Variants in DIPK1A observed in about 807,000 individuals in gnomAD.
The protein encoded by DIPK1A is family with sequence similarity 69 member A.
A neutral mutation model predicts 40.8 loss-of-function variants in DIPK1A; 27 were observed. That is an observed-to-expected ratio of 0.66 (90% CI 0.49 to 0.91). DIPK1A has a LOEUF of 0.91. Among genes scored for constraint, DIPK1A ranks in the 40% least tolerant of loss-of-function variants. DIPK1A has a pLI of 0.00. For missense variants in DIPK1A, 412 were observed against 505.7 expected, an observed-to-expected ratio of 0.81 and a Z score of 1.78; for synonymous variants, 166 against 171.3, an observed-to-expected ratio of 0.97 and a Z score of 0.24.
intron 2 of DIPK1A, among the ~76,000 whole-genome samples, chr1:92,851,980 T>C (rs1687840149): frequency 6.6e-6 from 1 of 152,238 alleles, no homozygotes; most frequent in Admixed American, 6.5e-5. Context: ...ATGTTCTCTT[T>C]GCTGGAGGCA....
At chr1:92,921,444 A>C (rs1477207832) in intron 1 of DIPK1A, among the ~76,000 whole-genome samples, 1 of 152,204 alleles carries the variant, frequency 6.6e-6, no homozygotes, top group Non-Finnish European at 1.5e-5. Context: ...AAAAATTGAC[A>C]TAAGTATAAG....
At position 92,961,363 on chromosome 1, in the gene DIPK1A, G is replaced by A; in HGVS notation, c.54+13C>T. ...TGCTCCCGCAGCTGGTGGCTGGGCGGCCGCCGGCCTACCTGGAGGTAATAG... is the reference window on the plus strand; with the variant it reads ...TGCTCCCGCAGCTGGTGGCTGGGCGACCGCCGGCCTACCTGGAGGTAATAG... On this transcript the variant is annotated intron_variant, in intron 1 of 4. Transcript: ENST00000370310. 1.3e-6 allele frequency: 2 copies of A among 1,503,940 alleles called. No individual in the cohort carries two copies. Among genetic ancestry groups the A allele is most frequent in the Non-Finnish European group, 8.9e-7 (1 of 1,121,842 alleles). The allele number at this position is 1,503,940 out of a possible 1,614,324, so 93.2% of individuals were successfully genotyped here. A position where few individuals can be genotyped will look rare whatever the true frequency, so the allele number is the denominator to read the frequency against.
At chr1:92,863,403 G>T (rs1356195413) in intron 2 of DIPK1A, among the ~76,000 whole-genome samples, 1 of 152,056 alleles carries the variant, frequency 6.6e-6, no homozygotes, top group Non-Finnish European at 1.5e-5. Context: ...AGAGAGTGTA[G>T]CATAAGACAT....
chr1:92,933,253 C>T (rs1301884566), intron 1 of DIPK1A: 2 of 151,986 alleles, frequency 1.3e-5, no homozygotes, highest in Non-Finnish European at 2.9e-5. Context: ...AAATAAAAAT[C>T]AACAGAACTA....
intron 1 of DIPK1A, among the ~76,000 whole-genome samples, chr1:92,946,706 G>A (rs2100901744): frequency 6.6e-6 from 1 of 152,292 alleles, no homozygotes; most frequent in Middle Eastern, 3.4e-3. Flanking sequence ...TACTTTGGGG[G>A]CTGAGGCAGG....
downstream of DIPK1A, among the ~76,000 whole-genome samples, chr1:92,838,170 A>G (rs529156773): frequency 6.6e-6 from 1 of 152,308 alleles, no homozygotes; most frequent in Non-Finnish European, 1.5e-5. Flanking sequence ...TGGCATAGCT[A>G]TTGGTTAGGA....
chr1:92,884,882 G>C (rs1027983067), intron 1 of DIPK1A, among the ~76,000 whole-genome samples: 1 of 152,176 alleles, frequency 6.6e-6, no homozygotes, highest in Non-Finnish European at 1.5e-5. Context: ...ACACAGCTTA[G>C]ACTCTTGGAG....
chr1:92,891,867 G>A (rs111427542), intron 1 of DIPK1A, among the ~76,000 whole-genome samples: 308 of 152,270 alleles, frequency 2.0e-3, no homozygotes, highest in African/African-American at 6.4e-3. Context: ...TATATCCTAC[G>A]CATGGCTTGG....
At chr1:92,930,324 T>C (rs1650695625) in intron 1 of DIPK1A, among the ~76,000 whole-genome samples, 1 of 152,172 alleles carries the variant, frequency 6.6e-6, no homozygotes, top group South Asian at 2.1e-4. Flanking sequence ...CCATTGGCCA[T>C]TTTGGCTTTA....
At chr1:92,928,794 T>C (rs889743756) in intron 1 of DIPK1A, among the ~76,000 whole-genome samples, 12 of 152,050 alleles carry the variant, frequency 7.9e-5, no homozygotes, top group African/African-American at 2.7e-4. Context: ...AAACCCCGAC[T>C]CTACTAAAAA....
In DIPK1A at chr1:92,890,046, G is replaced by T. The variant is rs149837774; in HGVS notation, c.55-13616C>A. Among the ~76,000 whole-genome samples the T allele has an allele frequency of 4.1e-3, 619 of 151,956 alleles. 3 individuals are homozygous for T. The highest frequency in any genetic ancestry group is 0.014 in the African/African-American group (589 of 41,460). On this transcript the variant is annotated intron_variant, in intron 1 of 4. Coordinates refer to ENST00000370310, the MANE Select transcript of DIPK1A (RefSeq NM_001006605.5). The stretch of plus-strand genomic sequence containing the variant: ...TTTCATCTCCTTAAATTTATTCCTA[G>T]GTTTTATGTATTTATTTATTTATTG...
At chr1:92,890,495 T>C (rs932541493) in intron 1 of DIPK1A, among the ~76,000 whole-genome samples, 11 of 152,338 alleles carry the variant, frequency 7.2e-5, no homozygotes, top group African/African-American at 2.6e-4. Flanking sequence ...TTTCCTTCTA[T>C]ATCCAATTTG....
chr1:92,889,905 C>T (rs1208649935), intron 1 of DIPK1A, among the ~76,000 whole-genome samples: 1 of 152,194 alleles, frequency 6.6e-6, no homozygotes, highest in Non-Finnish European at 1.5e-5. Context: ...CTGCCTTGGC[C>T]TCCCAAAGTG....
intron 1 of DIPK1A, among the ~76,000 whole-genome samples, chr1:92,923,767 G>A (rs1179541756): frequency 6.6e-6 from 1 of 152,198 alleles, no homozygotes; most frequent in Non-Finnish European, 1.5e-5. Flanking sequence ...TAGTTGATGA[G>A]CATAACTTCT....
At chr1:92,922,093 T>A (rs1650291981) in intron 1 of DIPK1A, among the ~76,000 whole-genome samples, 2 of 152,204 alleles carry the variant, frequency 1.3e-5, no homozygotes, top group Non-Finnish European at 2.9e-5. Flanking sequence ...ATAATATTTA[T>A]GTTCTCTAGT....
chr1:92,921,337 G>A (rs767493907), intron 1 of DIPK1A, among the ~76,000 whole-genome samples: 16 of 152,066 alleles, frequency 1.1e-4, no homozygotes, highest in Non-Finnish European at 1.5e-4. Flanking sequence ...AATTGTGAAC[G>A]ATGTCCCAGA....
At chr1:92,901,080 A>G (rs1649394244) in intron 1 of DIPK1A, among the ~76,000 whole-genome samples, 1 of 152,070 alleles carries the variant, frequency 6.6e-6, no homozygotes, top group Non-Finnish European at 1.5e-5. Flanking sequence ...AGCTGTGTTC[A>G]ATGTTAGCAA....
In DIPK1A at chr1:92,842,357, T is replaced by C; in HGVS notation, c.*1026A>G. ...TTTGAGCAGAAAATAGTGGTTCTTTTCTCCAAAAGGTGTTTAATTTTATGG... is the reference window on the plus strand; with the variant it reads ...TTTGAGCAGAAAATAGTGGTTCTTTCCTCCAAAAGGTGTTTAATTTTATGG... On this transcript the variant is annotated 3_prime_UTR_variant, in exon 5 of 5. Coordinates refer to ENST00000370310, the MANE Select transcript of DIPK1A (RefSeq NM_001006605.5). 1 of 985,460 alleles carries C rather than the reference T, an allele frequency of 1.0e-6. No individual in the cohort carries two copies. The highest frequency in any genetic ancestry group is 1.2e-6 in the Non-Finnish European group (1 of 829,886). The allele number at this position is 985,460 out of a possible 1,614,324, so 61.0% of individuals were successfully genotyped here. A position where few individuals can be genotyped will look rare whatever the true frequency, so the allele number is the denominator to read the frequency against.
At chr1:92,880,693 CCT>C (rs1482596177) in intron 1 of DIPK1A, among the ~76,000 whole-genome samples, 3 of 151,482 alleles carry the variant, frequency 2.0e-5, no homozygotes, top group Non-Finnish European at 2.9e-5. Context: ...ATGCTGAAAC[CCT>C]GTCTCTACTA....
Sources: allele counts gnomAD v4.1 joint callset (sites outside exome capture counted in the v4.1 genomes callset), GRCh38; gene constraint gnomAD v4.1.1; transcripts MANE v1.5; gene names NCBI Gene and HGNC (gene_info 2026-07-23, HGNC 2026-07-21).